The following ZNF367 variants were observed in gnomAD, a reference collection of about 807,000 sequenced individuals.
The protein encoded by ZNF367 is C2H2 zinc finger protein ZFF29.
A neutral mutation model predicts 31.8 loss-of-function variants in ZNF367; 11 were observed. The ratio of observed to expected loss-of-function variants is 0.35; its 90% CI spans 0.22 to 0.57. The LOEUF (loss-of-function observed/expected upper bound fraction) is 0.57, where lower values mean the gene tolerates loss of function less well. Among genes scored for constraint, ZNF367 ranks in the 20% least tolerant of loss-of-function variants. ZNF367 has a pLI of 0.85. For missense variants in ZNF367, 353 were observed against 484.1 expected (o/e 0.73, Z 2.54); for synonymous variants, 199 against 202.4 (o/e 0.98, Z 0.14).
rs1306223011 is a variant in ZNF367, at chr9:96,417,142, G to A, written c.420+471C>T. On this transcript the variant is annotated intron_variant, in intron 1 of 4. Coordinates refer to ENST00000375256, the MANE Select transcript of ZNF367 (RefSeq NM_153695.4). The surrounding 1 kb of genome is among the most constrained non-coding windows in gnomAD (Gnocchi z 5.0). The stretch of plus-strand genomic sequence containing the variant: ...AGGCACAACTTCAGCCGCAGAACAG[G>A]CCCAGAAGTCCTTTCTTGCTCTTCG... 6.6e-6 allele frequency among the ~76,000 whole-genome samples: 1 copy of A among 152,204 alleles called. No individual in the cohort carries two copies. The highest frequency in any genetic ancestry group is 2.4e-5 in the African/African-American group (1 of 41,454).
chr9:96,389,992 G>A lies in ZNF367; in HGVS notation c.831-1533C>T, dbSNP rs147616015. On this transcript the variant is annotated intron_variant, in intron 4 of 4. Coordinates refer to ENST00000375256, the MANE Select transcript of ZNF367 (RefSeq NM_153695.4). The stretch of plus-strand genomic sequence containing the variant: ...GGGATTTTACCATGTTGACCAGGCT[G>A]GTCTTGATCTCCCGACCTCAGGTGA... Among the ~76,000 whole-genome samples the A allele has an allele frequency of 1.6e-3, 234 of 147,606 alleles. 5 individuals carry two copies. In the South Asian group the frequency reaches 0.036, roughly 23 times the overall value.
rs1831847078 is a variant in ZNF367, at chr9:96,417,447, A to C, written c.420+166T>G. The stretch of plus-strand genomic sequence containing the variant: ...CCTGTCACGTGACAGGCCCCCCCCG[A>C]CTGGGGCCGGTTTTTGGCGCGCGGC... On this transcript the variant is annotated intron_variant, in intron 1 of 4. Transcript: ENST00000375256. The surrounding 1 kb of genome is among the most constrained non-coding windows in gnomAD (Gnocchi z 5.0). Among the ~76,000 whole-genome samples the C allele has an allele frequency of 7.5e-6, 1 of 133,952 alleles. No homozygotes were observed. Among genetic ancestry groups the C allele is most frequent in the Non-Finnish European group, 1.6e-5 (1 of 62,728 alleles). 87.9% of individuals were successfully genotyped at this position (133,952 alleles called of 152,430 possible). A position where few individuals can be genotyped will look rare whatever the true frequency, so the allele number is the denominator to read the frequency against.
rs1406547798 is a variant in ZNF367 at position 96,418,074 on chromosome 9, T to C, written c.-42A>G. 1.2e-5 allele frequency: 16 copies of C among 1,338,060 alleles called. No individual in the cohort carries two copies. The highest frequency in any genetic ancestry group is 1.5e-5 in the African/African-American group (1 of 64,898). 82.9% of individuals were successfully genotyped at this position (1,338,060 alleles called of 1,614,324 possible). On this transcript the variant is annotated 5_prime_UTR_variant, in exon 1 of 5. Transcript: ENST00000375256. ...CAGCTCCGGCGGCCCCGGGCCGCAC[T>C]CCTGAGCACCGCTCTGCCCCTCACT... is the stretch of plus-strand genomic sequence containing the variant.
At chr9:96,390,485 G>C (rs1017114507) in intron 4 of ZNF367, among the ~76,000 whole-genome samples, 1 of 152,168 alleles carries the variant, frequency 6.6e-6, no homozygotes, top group African/African-American at 2.4e-5. Flanking sequence ...ATTTTAGAAA[G>C]ATCCCTCTGG....
At chr9:96,407,278 G>C (rs1054026082) in intron 1 of ZNF367, 2 of 1,481,876 alleles carry the variant, frequency 1.3e-6, no homozygotes, top group Non-Finnish European at 1.9e-6. Context: ...CTCTGCGGCC[G>C]TCACCATGCC....
At chr9:96,400,375 AG>A (rs1194086875) in intron 1 of ZNF367, among the ~76,000 whole-genome samples, 2 of 143,890 alleles carry the variant, frequency 1.4e-5, no homozygotes, top group Non-Finnish European at 3.0e-5. Flanking sequence ...CCTGGGCAAT[AG>A]AGCAAGACCC....
Position 96,417,540 on chromosome 9 carries a change from G to A in ZNF367, c.420+73C>T. 3.3e-6 allele frequency: 1 copy of A among 300,844 alleles called. No homozygotes were observed. 18.6% of individuals were successfully genotyped at this position (300,844 alleles called of 1,614,324 possible). On this transcript the variant is annotated intron_variant, in intron 1 of 4. Transcript: ENST00000375256. The surrounding 1 kb of genome is among the most constrained non-coding windows in gnomAD (Gnocchi z 5.0). ...GGATCGACCTCGCGTTTTCAACTCCGCCCCGCCCGCCGCACCGTTAACGGG... is the reference window on the plus strand; with the variant it reads ...GGATCGACCTCGCGTTTTCAACTCCACCCCGCCCGCCGCACCGTTAACGGG...
rs748360320 is a variant in ZNF367 at position 96,394,961 on chromosome 9, G to C, written c.572-19C>G. The C allele has an allele frequency of 1.9e-5, 30 of 1,612,102 alleles. No individual in the cohort carries two copies. Among genetic ancestry groups the C allele is most frequent in the Non-Finnish European group, 2.5e-5 (29 of 1,178,722 alleles). ...CTCTCACCTAAGTAGACAGATGTTA[G>C]ATATTATATCTGAGATAATAAGGCC... On this transcript the variant is annotated intron_variant, in intron 2 of 4. Transcript: ENST00000375256.
chr9:96,407,278 G>A lies in ZNF367; in HGVS notation c.421-8964C>T, dbSNP rs1054026082. The A allele has an allele frequency of 1.3e-5, 20 of 1,481,874 alleles. No homozygotes were observed. In the African/African-American group the frequency reaches 1.7e-4, roughly 12 times the overall value. 91.8% of individuals were successfully genotyped at this position (1,481,874 alleles called of 1,614,324 possible). A position where few individuals can be genotyped will look rare whatever the true frequency, so the allele number is the denominator to read the frequency against. On this transcript the variant is annotated intron_variant, in intron 1 of 4. Coordinates refer to ENST00000375256, the MANE Select transcript of ZNF367 (RefSeq NM_153695.4). ...GGCTGCTCCTGGCGGCTCTGCGGCCGTCACCATGCCACAGAACGAATATAT... is the reference window on the plus strand; with the variant it reads ...GGCTGCTCCTGGCGGCTCTGCGGCCATCACCATGCCACAGAACGAATATAT...
At chr9:96,416,497 A>G (rs35000618) in intron 1 of ZNF367, among the ~76,000 whole-genome samples, 4,223 of 152,334 alleles carry the variant, frequency 0.028, 74 homozygotes, top group Middle Eastern at 0.058. Flanking sequence ...CACATAAAAT[A>G]TATCAATTTC....
intron 1 of ZNF367, among the ~76,000 whole-genome samples, chr9:96,405,559 T>TG (rs1831662335): frequency 6.6e-6 from 1 of 152,088 alleles, no homozygotes; most frequent in Non-Finnish European, 1.5e-5. Context: ...TGTATCGATA[T>TG]CATATATATA....
At chr9:96,405,471 G>A (rs1463374858) in intron 1 of ZNF367, among the ~76,000 whole-genome samples, 2 of 152,064 alleles carry the variant, frequency 1.3e-5, no homozygotes, top group Non-Finnish European at 2.9e-5. Context: ...TATTAAAAAT[G>A]TAGAGAAATT....
intron 1 of ZNF367, among the ~76,000 whole-genome samples, chr9:96,402,627 T>A (rs1831621921): frequency 7.7e-6 from 1 of 129,448 alleles, no homozygotes; most frequent in African/African-American, 2.8e-5. Flanking sequence ...TAATTTTTTT[T>A]TTTTTTTTTT....
intron 1 of ZNF367, among the ~76,000 whole-genome samples, chr9:96,410,716 A>G (rs575786506): frequency 1.3e-5 from 2 of 151,324 alleles, no homozygotes; most frequent in South Asian, 4.2e-4. Flanking sequence ...TCTACTAAAA[A>G]TACAAAAAAA....
intron 4 of ZNF367, among the ~76,000 whole-genome samples, chr9:96,389,924 A>G (rs1402189275): frequency 1.1e-5 from 1 of 87,040 alleles, no homozygotes; most frequent in East Asian, 3.3e-4. Context: ...TTTTTTTTGG[A>G]GACAGAGTTT....
chr9:96,386,829 C>T lies in ZNF367; in HGVS notation c.*1408G>A, dbSNP rs1259623134. On this transcript the variant is annotated 3_prime_UTR_variant, in exon 5 of 5. Coordinates refer to ENST00000375256, the MANE Select transcript of ZNF367 (RefSeq NM_153695.4). ...AGCCTACTTTGTAATGTTTAAACTA[C>T]ATCTGTAGGAACGTCTTCAACTCAA... is the stretch of plus-strand genomic sequence containing the variant. The T allele has an allele frequency of 1.3e-5, 2 of 152,156 alleles. No individual in the cohort carries two copies. The highest frequency in any genetic ancestry group is 4.8e-5 in the African/African-American group (2 of 41,448). The allele number at this position is 152,156 out of a possible 1,614,324, so 9.4% of individuals were successfully genotyped here.
At chr9:96,412,007 T>C (rs1255627995) in intron 1 of ZNF367, among the ~76,000 whole-genome samples, 1 of 152,180 alleles carries the variant, frequency 6.6e-6, no homozygotes, top group Non-Finnish European at 1.5e-5. Flanking sequence ...AATAAGTGCA[T>C]TATTTTAGCT....
chr9:96,413,609 C>T (rs1225646564), intron 1 of ZNF367, among the ~76,000 whole-genome samples: 1 of 152,068 alleles, frequency 6.6e-6, no homozygotes, highest in Non-Finnish European at 1.5e-5. Flanking sequence ...GGTGGGGAGC[C>T]TTGGAACAAC....
chr9:96,397,202 C>A (rs934663716), intron 2 of ZNF367, among the ~76,000 whole-genome samples: 1 of 151,962 alleles, frequency 6.6e-6, no homozygotes, highest in African/African-American at 2.4e-5. Context: ...GATTGTAAGC[C>A]GGTAGTAGTT....
Sources: allele counts gnomAD v4.1 joint callset (sites outside exome capture counted in the v4.1 genomes callset), GRCh38; gene constraint gnomAD v4.1.1; non-coding constraint Gnocchi (gnomAD v3.1); transcripts MANE v1.5; gene names NCBI Gene and HGNC (gene_info 2026-07-23, HGNC 2026-07-21).